PRKDC: variants seen among roughly 807,000 people sequenced by gnomAD.
PRKDC encodes protein kinase, DNA-activated, catalytic subunit, also known as DNA-dependent protein kinase catalytic subunit.
In PRKDC, 82 loss-of-function variants were observed where a neutral mutation model predicts 486.9. That is an observed-to-expected ratio of 0.17 (90% CI 0.14 to 0.20). The LOEUF (loss-of-function observed/expected upper bound fraction) is 0.20, where lower values mean the gene tolerates loss of function less well. PRKDC is among the 10% of genes least tolerant of loss of function. The pLI is 1.00. For synonymous variants in PRKDC, 1,895 were observed against 1,837.0 expected (o/e 1.03, Z -0.81); for missense variants, 4,504 against 5,038.2 (o/e 0.89, Z 3.21).
intron 74 of PRKDC, among the ~76,000 whole-genome samples, 164 bp from the exon 75 acceptor site, chr8:47,789,402 C>T (rs2086849285): frequency 6.6e-6 from 1 of 150,874 alleles, no homozygotes; most frequent in Admixed American, 6.6e-5. Flanking sequence ...ATATAACCAA[C>T]TACATAGTAA....
chr8:47,851,703 C>T (rs1428513351), intron 52 of PRKDC, among the ~76,000 whole-genome samples: 1 of 152,120 alleles, frequency 6.6e-6, no homozygotes, highest in Non-Finnish European at 1.5e-5. Flanking sequence ...ACGAGGCGGG[C>T]AGGGGAGCAG....
chr8:47,918,244 T>G (rs745963501), intron 22 of PRKDC, 33 bp downstream of exon 22: 2 of 1,393,568 alleles, frequency 1.4e-6, no homozygotes, highest in African/African-American at 2.9e-5. Context: ...CTCTGCATTA[T>G]GTAAGGTACA....
At position 47,823,963 on chromosome 8, in the gene PRKDC, G is replaced by T. The variant is rs778624156; in HGVS notation, c.8817C>A (p.Leu2939=). 1 of 1,613,158 alleles carries T rather than the reference G, an allele frequency of 6.2e-7. No individual in the cohort carries two copies. Among genetic ancestry groups the T allele is most frequent in the Middle Eastern group, 1.6e-4 (1 of 6,082 alleles). Residue 2939 remains leucine (L), a synonymous_variant, in exon 64 of 86, where the codon CTC becomes CTA. Transcript: ENST00000314191. ...CTATCTCACTGGTAAAAATCCCACG[G>T]AGGACGTCGTATTCTCCAATTGATC... ...LYRSIGEYDV[L]RGIFTSEIGT...
chr8:47,783,756 C>T lies in PRKDC; in HGVS notation c.11161G>A (p.Gly3721Arg). 1 of 1,613,922 alleles carries T rather than the reference C, an allele frequency of 6.2e-7. No individual in the cohort carries two copies. The highest frequency in any genetic ancestry group is 8.5e-7 in the Non-Finnish European group (1 of 1,179,880). Residue 3721 changes from glycine to arginine, a missense_variant, in exon 78 of 86, where the codon GGG becomes AGG. Transcript: ENST00000314191. The stretch of plus-strand genomic sequence containing the variant: ...CTCACACCTACCCGCTCATCAAACC[C>T]GGCGATTCGCACGTGGTACTCTGGC... ...PLPEYHVRIA[G>R]FDERVTVMAS...
chr8:47,862,250 T>C, intron 43 of PRKDC, 123 bp from the exon 44 acceptor site: 2 of 1,347,118 alleles, frequency 1.5e-6, no homozygotes, highest in Non-Finnish European at 2.0e-6. Context: ...AATATACCTA[T>C]GCAGAATTAA....
chr8:47,930,321 G>T (rs1340936399), intron 17 of PRKDC, among the ~76,000 whole-genome samples: 1 of 152,156 alleles, frequency 6.6e-6, no homozygotes, highest in African/African-American at 2.4e-5. Context: ...TGCTCAGGCT[G>T]GAGTGCAGTG....
At chr8:47,815,939 G>A (rs1367318853) in intron 68 of PRKDC, among the ~76,000 whole-genome samples, 1 of 152,182 alleles carries the variant, frequency 6.6e-6, no homozygotes, top group Non-Finnish European at 1.5e-5. Context: ...GCTGGGCATG[G>A]TAAGTAATGC....
At chr8:47,831,602 G>C (rs556404887) in intron 60 of PRKDC, among the ~76,000 whole-genome samples, 18 of 152,202 alleles carry the variant, frequency 1.2e-4, no homozygotes, top group African/African-American at 4.3e-4. Flanking sequence ...TTCCACCCGC[G>C]GAGAGAACTG....
In PRKDC at chr8:47,776,716, C is replaced by T. The variant is rs540700978; in HGVS notation, c.12182+128G>A. 6.7e-4 allele frequency: 859 copies of T among 1,279,488 alleles called. 8 individuals are homozygous for T. The African/African-American group carries it at 0.012, about 18-fold the overall frequency. 79.3% of individuals were successfully genotyped at this position (1,279,488 alleles called of 1,614,324 possible). A position where few individuals can be genotyped will look rare whatever the true frequency, so the allele number is the denominator to read the frequency against. On this transcript the variant is annotated intron_variant, in intron 85 of 85. Transcript: ENST00000314191. ...AGCCTCTCTAAGCCCTGCTTTCCTC[C>T]TCAATGAAAGCAGAGAAGTCATGCT... is the stretch of plus-strand genomic sequence containing the variant.
intron 83 of PRKDC, among the ~76,000 whole-genome samples, 161 bp from the exon 84 acceptor site, chr8:47,778,035 G>A (rs186600725): frequency 1.3e-5 from 2 of 152,250 alleles, no homozygotes; most frequent in East Asian, 1.9e-4. Context: ...TCCTATGCTC[G>A]AGAGTAACCC....
intron 22 of PRKDC, among the ~76,000 whole-genome samples, chr8:47,915,803 C>G (rs1021982657): frequency 6.6e-6 from 1 of 152,230 alleles, no homozygotes; most frequent in African/African-American, 2.4e-5. Context: ...GGTCCTCACA[C>G]CGATATTGCA....
chr8:47,924,403 T>C (rs945651682), intron 21 of PRKDC, among the ~76,000 whole-genome samples: 5 of 151,754 alleles, frequency 3.3e-5, no homozygotes, highest in Non-Finnish European at 7.4e-5. Context: ...CTACTAAAAA[T>C]ACAAAAATTA....
At chr8:47,825,517 A>AC (rs1385530770) in intron 63 of PRKDC, among the ~76,000 whole-genome samples, 4 of 150,988 alleles carry the variant, frequency 2.6e-5, no homozygotes, top group African/African-American at 9.7e-5. Context: ...AAAAAAAAAA[A>AC]AAAAAAAAAA....
At position 47,778,665 on chromosome 8, in the gene PRKDC, A is replaced by G. The variant is rs763215168; in HGVS notation, c.11652-5T>C. ...CTCATCCTCACGAAGGCCCGCCTAC[A>G]AAAGAGACACAGCTGTGCGGCTGCT... is the stretch of plus-strand genomic sequence containing the variant. On this transcript the variant is annotated splice_polypyrimidine_tract_variant and splice_region_variant and intron_variant, in intron 82 of 85. Coordinates refer to ENST00000314191, the MANE Select transcript of PRKDC (RefSeq NM_006904.7). The G allele has an allele frequency of 8.1e-6, 13 of 1,613,470 alleles. No individual in the cohort carries two copies. In the Admixed American group the frequency reaches 2.2e-4, roughly 27 times the overall value.
At chr8:47,791,389 C>T (rs1361373687) in intron 74 of PRKDC, among the ~76,000 whole-genome samples, 4 of 152,098 alleles carry the variant, frequency 2.6e-5, no homozygotes, top group African/African-American at 7.2e-5. Context: ...GCAGGAGAAT[C>T]GCTTGAACCC....
chr8:47,927,142 A>C, intron 21 of PRKDC, 52 bp downstream of exon 21: 1 of 1,546,664 alleles, frequency 6.5e-7, no homozygotes, highest in Non-Finnish European at 8.9e-7. Context: ...TATTATAGTT[A>C]CTCCATTTCC....
At chr8:47,943,940 A>G in intron 8 of PRKDC, 34 bp downstream of exon 8, 1 of 1,555,422 alleles carries the variant, frequency 6.4e-7, no homozygotes, top group Non-Finnish European at 8.7e-7. Context: ...CTGTAAAGGC[A>G]TTAGAATAAT....
chr8:47,953,900 C>T lies in PRKDC; in HGVS notation c.528G>A (p.Glu176=). The change falls in exon 6 of 86, where the codon GAG becomes GAA. Residue 176 remains glutamate (E), a synonymous_variant. Transcript: ENST00000314191. ...GAACTTCACCCAATAATCCTAGGAG[C>T]TCATATACTTTTTCTAAAACTGAAA... The part of the protein sequence containing the change: ...IPDTVLEKVY[E]LLGLLGEVHP... The T allele has an allele frequency of 1.3e-6, 2 of 1,537,898 alleles. No homozygotes were observed. Among genetic ancestry groups the T allele is most frequent in the Middle Eastern group, 1.7e-4 (1 of 5,936 alleles).
At position 47,777,883 on chromosome 8, in the gene PRKDC, G is replaced by C; in HGVS notation, c.11854-9C>G. On this transcript the variant is annotated splice_polypyrimidine_tract_variant and intron_variant, in intron 83 of 85. Transcript: ENST00000314191. ...TCAGGGACTGGCAGAAACTAAACAAGAAAAAAGGCAAGGAGCAGAATATGT... is the reference window on the plus strand; with the variant it reads ...TCAGGGACTGGCAGAAACTAAACAACAAAAAAGGCAAGGAGCAGAATATGT... 1 of 1,611,894 alleles carries C rather than the reference G, an allele frequency of 6.2e-7. No homozygotes were observed.
Sources: gnomAD v4.1 joint callset for allele counts (sites outside exome capture counted in the v4.1 genomes callset) on GRCh38, gnomAD v4.1.1 for gene constraint, MANE v1.5 for transcripts, NCBI Gene and HGNC (gene_info 2026-07-23, HGNC 2026-07-21) for gene names.